The following HLCS variants were observed in gnomAD, a reference collection of about 807,000 sequenced individuals.
The protein encoded by HLCS is holocarboxylase synthetase.
A neutral mutation model predicts 75.0 loss-of-function variants in HLCS; 53 were observed. The observed-to-expected ratio is 0.71, with a 90% CI of 0.57 to 0.89. The LOEUF (loss-of-function observed/expected upper bound fraction) is 0.89, where lower values mean the gene tolerates loss of function less well. Ranked by LOEUF, HLCS falls within the 40% of genes least tolerant of loss-of-function variation. HLCS has a pLI of 0.00. For missense variants in HLCS, 966 were observed against 1,074.0 expected (o/e 0.90, Z 1.41); for synonymous variants, 431 against 428.6 (o/e 1.01, Z -0.07).
chr21:36,868,998 T>C, intron 6 of HLCS, among the ~76,000 whole-genome samples: 1 of 152,204 alleles, frequency 6.6e-6, no homozygotes. Context: ...GTGTCTGAGA[T>C]ACGACTCCTC....
chr21:36,815,027 C>CTT lies in HLCS; in HGVS notation c.1893-47744_1893-47743dup, dbSNP rs1195265718. 5.4e-5 allele frequency among the ~76,000 whole-genome samples: 7 copies of CTT among 129,150 alleles called. No homozygotes were observed. In the South Asian group the frequency reaches 1.0e-3, roughly 18 times the overall value. The allele number at this position is 129,150 out of a possible 152,430, so 84.7% of individuals were successfully genotyped here. ...GAGGCCAGGGATCAATGAAGCTTTG[C>CTT]TTTTTTTTTTTTTTTTTTTGATGGA... On this transcript the variant is annotated intron_variant, in intron 6 of 10. Transcript: ENST00000674895.
Position 36,754,196 on chromosome 21 carries a change from TC to T in HLCS, c.*49del. ...TTCACCTACAACTCTAAATTAGATT[TC>T]CAGATGCATGGGCACGGACAGGCAG... is the stretch of plus-strand genomic sequence containing the variant. On this transcript the variant is annotated 3_prime_UTR_variant, in exon 11 of 11. Coordinates refer to ENST00000674895, the MANE Select transcript of HLCS (RefSeq NM_001352514.2). The T allele has an allele frequency of 6.3e-7, 1 of 1,578,056 alleles. No homozygotes were observed. Among genetic ancestry groups the T allele is most frequent in the South Asian group, 1.1e-5 (1 of 89,736 alleles).
At chr21:36,807,143 T>C (rs2061384650) in intron 6 of HLCS, among the ~76,000 whole-genome samples, 1 of 151,996 alleles carries the variant, frequency 6.6e-6, no homozygotes, top group Non-Finnish European at 1.5e-5. Flanking sequence ...CATATTTGAT[T>C]TGTTAGAAGT....
intron 6 of HLCS, among the ~76,000 whole-genome samples, chr21:36,789,761 G>A (rs920696451): frequency 2.6e-5 from 4 of 152,160 alleles, no homozygotes; most frequent in East Asian, 1.9e-4. Context: ...TTTAATCTAC[G>A]AATTAATAAT....
At chr21:36,811,820 G>A (rs2061518808) in intron 6 of HLCS, among the ~76,000 whole-genome samples, 1 of 152,234 alleles carries the variant, frequency 6.6e-6, no homozygotes. Context: ...TGCAGATGGT[G>A]TGAGGTGGCC....
chr21:36,968,998 G>A (rs138606672), upstream of HLCS, among the ~76,000 whole-genome samples: 1 of 152,074 alleles, frequency 6.6e-6, no homozygotes, highest in African/African-American at 2.4e-5. Context: ...TTACATTTTG[G>A]GGTCAATCCT....
At chr21:36,968,177 C>T (rs562318468), upstream of HLCS, among the ~76,000 whole-genome samples, 1 of 152,150 alleles carries the variant, frequency 6.6e-6, no homozygotes, top group East Asian at 1.9e-4. Flanking sequence ...TTCATAGAGA[C>T]AGGGTCTCGC....
chr21:36,955,947 C>T (rs1162162622), intron 2 of HLCS, among the ~76,000 whole-genome samples: 1 of 152,152 alleles, frequency 6.6e-6, no homozygotes, highest in East Asian at 1.9e-4. Flanking sequence ...CAGTAACATG[C>T]TGTACAGGTT....
chr21:36,889,186 G>A (rs1183147885), intron 6 of HLCS, among the ~76,000 whole-genome samples: 1 of 152,054 alleles, frequency 6.6e-6, no homozygotes, highest in Non-Finnish European at 1.5e-5. Flanking sequence ...GGACTCAAAC[G>A]GTGACAAATG....
chr21:36,946,545 C>T (rs142696270), intron 2 of HLCS, among the ~76,000 whole-genome samples: 2 of 151,934 alleles, frequency 1.3e-5, no homozygotes. Flanking sequence ...TCCGGCCCCC[C>T]ACAACAAAAT....
At chr21:36,822,779 A>G (rs2061887056) in intron 6 of HLCS, among the ~76,000 whole-genome samples, 1 of 152,214 alleles carries the variant, frequency 6.6e-6, no homozygotes, top group African/African-American at 2.4e-5. Flanking sequence ...TTATCCATGC[A>G]TGGAAAAATT....
At chr21:36,829,726 A>T (rs539451212) in intron 6 of HLCS, among the ~76,000 whole-genome samples, 2 of 152,184 alleles carry the variant, frequency 1.3e-5, no homozygotes, top group African/African-American at 2.4e-5. Context: ...ATACTAAAAA[A>T]CCTGAGAGAT....
chr21:36,910,406 C>A (rs1255951345), intron 5 of HLCS, among the ~76,000 whole-genome samples: 2 of 152,008 alleles, frequency 1.3e-5, no homozygotes, highest in Admixed American at 1.3e-4. Context: ...ATTAGCCAGG[C>A]GTGGTGATGG....
intron 2 of HLCS, among the ~76,000 whole-genome samples, chr21:36,945,670 C>G (rs763463257): frequency 7.9e-5 from 12 of 152,256 alleles, no homozygotes; most frequent in African/African-American, 1.2e-4. Flanking sequence ...AGGGAGCAGA[C>G]AGTGAATGCT....
chr21:36,768,875 A>G (rs1157967690), intron 6 of HLCS, among the ~76,000 whole-genome samples: 2 of 152,088 alleles, frequency 1.3e-5, no homozygotes, highest in Non-Finnish European at 2.9e-5. Context: ...GGGAGTTAAC[A>G]TTGTCTTTCA....
intron 6 of HLCS, among the ~76,000 whole-genome samples, chr21:36,890,866 C>T (rs946372824): frequency 6.6e-6 from 1 of 152,142 alleles, no homozygotes; most frequent in Non-Finnish European, 1.5e-5. Context: ...TCTGGTAGAC[C>T]CTGGCACTAT....
intron 2 of HLCS, 121 bp downstream of exon 2, chr21:36,961,915 C>T (rs564825105): frequency 3.9e-6 from 2 of 517,982 alleles, no homozygotes; most frequent in African/African-American, 4.1e-5. Flanking sequence ...GATCACACCA[C>T]TGCACTCCAG....
chr21:36,850,125 G>C (rs2062939000), intron 6 of HLCS, among the ~76,000 whole-genome samples: 2 of 152,214 alleles, frequency 1.3e-5, no homozygotes, highest in Non-Finnish European at 2.9e-5. Context: ...TTACTTTTCA[G>C]AAAACATTCT....
At chr21:36,757,358 T>G (rs2089644085) in intron 9 of HLCS, among the ~76,000 whole-genome samples, 1 of 152,196 alleles carries the variant, frequency 6.6e-6, no homozygotes, top group Non-Finnish European at 1.5e-5. Flanking sequence ...TGCAGGGTCC[T>G]AAACCAAGGC....
Sources: gnomAD v4.1 joint callset for allele counts (sites outside exome capture counted in the v4.1 genomes callset) on GRCh38, gnomAD v4.1.1 for gene constraint, MANE v1.5 for transcripts, NCBI Gene and HGNC (gene_info 2026-07-23, HGNC 2026-07-21) for gene names.